STK10: variants seen among roughly 807,000 people sequenced by gnomAD.
The protein encoded by STK10 is serine/threonine-protein kinase 10.
A neutral mutation model predicts 113.8 loss-of-function variants in STK10; 78 were observed. That is an observed-to-expected ratio of 0.69 (90% CI 0.57 to 0.83). STK10 has a LOEUF of 0.83. Among genes scored for constraint, STK10 ranks in the 40% least tolerant of loss-of-function variants. The probability of loss-of-function intolerance (pLI) is 0.00; values close to 1 mark genes in which losing one functional copy is unlikely to be tolerated. For missense variants in STK10, 1,109 were observed against 1,280.1 expected (o/e 0.87, Z 2.04); for synonymous variants, 465 against 494.7 (o/e 0.94, Z 0.80).
chr5:172,180,975 G>A (rs1581193751), intron 1 of STK10, among the ~76,000 whole-genome samples: 2 of 152,314 alleles, frequency 1.3e-5, no homozygotes, highest in South Asian at 4.1e-4. Context: ...GTTACATATA[G>A]AAACAGCAAG....
intron 8 of STK10, among the ~76,000 whole-genome samples, 181 bp from the exon 9 acceptor site, chr5:172,094,141 A>G (rs1398232533): frequency 6.6e-6 from 1 of 152,084 alleles, no homozygotes; most frequent in Admixed American, 6.6e-5. Context: ...TAATACAATT[A>G]CTACTTATTT....
At chr5:172,118,010 CAAAAAAAAAA>C (rs57672334) in intron 3 of STK10, among the ~76,000 whole-genome samples, 1 of 69,826 alleles carries the variant, frequency 1.4e-5, no homozygotes, top group African/African-American at 4.7e-5. Flanking sequence ...TACTCCATCT[CAAAAAAAAAA>C]AAAAAAAAAA....
At chr5:172,181,522 A>T (rs954079586) in intron 1 of STK10, among the ~76,000 whole-genome samples, 1 of 149,876 alleles carries the variant, frequency 6.7e-6, no homozygotes, top group African/African-American at 2.5e-5. Context: ...TCGCTGTGTC[A>T]CTCAGGCTGG....
At chr5:172,164,643 C>T (rs1257070003) in intron 1 of STK10, among the ~76,000 whole-genome samples, 5 of 152,140 alleles carry the variant, frequency 3.3e-5, no homozygotes, top group African/African-American at 9.7e-5. Flanking sequence ...TCAGTCTCCC[C>T]CCTATATGGG....
intron 2 of STK10, among the ~76,000 whole-genome samples, chr5:172,141,888 G>A (rs373184784): frequency 1.2e-4 from 18 of 152,308 alleles, no homozygotes; most frequent in Admixed American, 7.8e-4. Flanking sequence ...AGCAGCTGTC[G>A]TGGTGCCGTG....
In STK10 at chr5:172,075,965, C is replaced by A. The variant is rs185748244; in HGVS notation, c.1989+6361G>T. Among the ~76,000 whole-genome samples, 4 of 151,116 alleles carry A rather than the reference C, an allele frequency of 2.6e-5. No individual in the cohort carries two copies. In the East Asian group the frequency reaches 5.8e-4, roughly 22 times the overall value. On this transcript the variant is annotated intron_variant, in intron 12 of 18. Transcript: ENST00000176763. ...TCAAACATGCACTTACCACCTGACC[C>A]CAAAATCCCAGCAGCTATTCTTGTC...
intron 2 of STK10, among the ~76,000 whole-genome samples, chr5:172,152,557 A>T (rs1770258344): frequency 6.6e-6 from 1 of 152,178 alleles, no homozygotes. Flanking sequence ...AATATGGGAG[A>T]CACTAACACA....
intron 18 of STK10, chr5:172,045,409 T>A: frequency 2.1e-6 from 1 of 470,186 alleles, no homozygotes; most frequent in Non-Finnish European, 4.2e-6. Flanking sequence ...AAGTTTTTTT[T>A]TTCAAAATAC....
intron 2 of STK10, among the ~76,000 whole-genome samples, chr5:172,136,271 G>T (rs889475269): frequency 3.9e-5 from 6 of 152,172 alleles, no homozygotes; most frequent in African/African-American, 1.2e-4. Context: ...CTGAATAGAT[G>T]TAACTTCTAA....
intron 1 of STK10, among the ~76,000 whole-genome samples, chr5:172,179,621 C>CGGGCCCCCTT (rs3839236): frequency 0.41 from 62,881 of 151,812 alleles, 15,091 homozygotes; most frequent in African/African-American, 0.68. Context: ...ACGCAGAAGC[C>CGGGCCCCCTT]GAAGGGCGTC....
At chr5:172,106,222 G>A (rs1425318494) in intron 6 of STK10, among the ~76,000 whole-genome samples, 2 of 151,620 alleles carry the variant, frequency 1.3e-5, no homozygotes, top group African/African-American at 4.8e-5. Flanking sequence ...ACCAGCCTGG[G>A]CAACATAGGA....
chr5:172,135,766 C>T (rs1244914720), intron 2 of STK10, among the ~76,000 whole-genome samples: 1 of 152,158 alleles, frequency 6.6e-6, no homozygotes, highest in African/African-American at 2.4e-5. Context: ...TGGCCAGGCA[C>T]GTTGGCTCAC....
At chr5:172,070,730 G>T (rs1488247366) in intron 12 of STK10, among the ~76,000 whole-genome samples, 1 of 152,044 alleles carries the variant, frequency 6.6e-6, no homozygotes, top group South Asian at 2.1e-4. Flanking sequence ...AGGGAAGGAG[G>T]AGGAGAGGAG....
intron 2 of STK10, among the ~76,000 whole-genome samples, chr5:172,137,009 T>A (rs1238000681): frequency 6.6e-6 from 1 of 150,946 alleles, no homozygotes; most frequent in African/African-American, 2.4e-5. Context: ...CGGTGTGTGA[T>A]GTTCCCCTCC....
At chr5:172,136,162 A>G (rs756893159) in intron 2 of STK10, among the ~76,000 whole-genome samples, 3 of 152,244 alleles carry the variant, frequency 2.0e-5, no homozygotes, top group Non-Finnish European at 2.9e-5. Flanking sequence ...AGAGAGTACT[A>G]TGAACAACTG....
intron 1 of STK10, among the ~76,000 whole-genome samples, chr5:172,180,049 G>A (rs1364825056): frequency 2.0e-5 from 3 of 152,210 alleles, no homozygotes; most frequent in Non-Finnish European, 4.4e-5. Context: ...GGTCTAAGAG[G>A]ACTTGGGAAT....
intron 4 of STK10, among the ~76,000 whole-genome samples, chr5:172,115,356 T>A (rs1348657548): frequency 6.6e-6 from 1 of 152,116 alleles, no homozygotes; most frequent in South Asian, 2.1e-4. Flanking sequence ...TGCCGGGAAA[T>A]GTGAAACTAG....
At chr5:172,170,204 C>T (rs1770642866) in intron 1 of STK10, among the ~76,000 whole-genome samples, 1 of 149,198 alleles carries the variant, frequency 6.7e-6, no homozygotes, top group African/African-American at 2.5e-5. Context: ...TCCCTGCAAA[C>T]AGAGAGAAAT....
intron 2 of STK10, among the ~76,000 whole-genome samples, chr5:172,138,828 C>T (rs746136029): frequency 1.3e-5 from 2 of 151,930 alleles, no homozygotes; most frequent in Admixed American, 6.6e-5. Context: ...CTGGCTAACA[C>T]AGTGAAACCC....
Sources: allele counts gnomAD v4.1 joint callset (sites outside exome capture counted in the v4.1 genomes callset), GRCh38; gene constraint gnomAD v4.1.1; transcripts MANE v1.5; gene names NCBI Gene and HGNC (gene_info 2026-07-23, HGNC 2026-07-21).